The following TTC19 variants were observed in gnomAD, a reference collection of about 807,000 sequenced individuals.
TTC19 encodes the protein tetratricopeptide repeat domain 19, also known as tetratricopeptide repeat protein 19, mitochondrial.
Under a neutral mutation model 49.5 loss-of-function variants are expected in TTC19, and 38 were observed. That is an observed-to-expected ratio of 0.77 (90% CI 0.59 to 1.01). The LOEUF is 1.01. Ranked by LOEUF, TTC19 falls within the 50% of genes least tolerant of loss-of-function variation. The probability of loss-of-function intolerance (pLI) is 0.00; values close to 1 mark genes in which losing one functional copy is unlikely to be tolerated. For synonymous variants in TTC19, 204 were observed against 185.2 expected (o/e 1.10, Z -0.83); for missense variants, 475 against 477.7 (o/e 0.99, Z 0.05).
chr17:16,001,838 G>C (rs966612783), intron 2 of TTC19, 77 bp from the exon 3 acceptor site: 1 of 958,876 alleles, frequency 1.0e-6, no homozygotes, highest in Non-Finnish European at 1.7e-6. Context: ...GGGATGTACA[G>C]TTGCATACAC....
Position 16,010,640 on chromosome 17 carries a change from A to G in TTC19, c.676+4072A>G, listed in dbSNP as rs112656919. Among the ~76,000 whole-genome samples, 464 of 151,042 alleles carry G rather than the reference A, an allele frequency of 3.1e-3. 1 individual carries two copies. The highest frequency in any genetic ancestry group is 0.011 in the African/African-American group (447 of 41,062). ...CAGGCACCCGCCACCACACCTGGCT[A>G]TTTTTGTATTTTTAGTAGAGACTGG... is the stretch of plus-strand genomic sequence containing the variant. On this transcript the variant is annotated intron_variant, in intron 7 of 9. Coordinates refer to ENST00000261647, the MANE Select transcript of TTC19 (RefSeq NM_017775.4).
Position 16,028,846 on chromosome 17 carries a change from A to AAAAAAAAAAATTT in TTC19, c.*1324_*1325insAAAAAAAAAATTT. The AAAAAAAAAAATTT allele has an allele frequency of 2.8e-6, 1 of 354,032 alleles. No homozygotes were observed. The allele number at this position is 354,032 out of a possible 1,614,324, so 21.9% of individuals were successfully genotyped here. ...AAAAAAAAAAAAAAAAAAAAAAAAA[A>AAAAAAAAAAATTT]CTTTCTGAAGAAAATAAAAACACCA... On this transcript the variant is annotated 3_prime_UTR_variant, in exon 10 of 10. Transcript: ENST00000261647.
chr17:16,012,726 C>T (rs1365579325), intron 7 of TTC19, among the ~76,000 whole-genome samples: 59 of 151,980 alleles, frequency 3.9e-4, no homozygotes, highest in Admixed American at 3.2e-3. Flanking sequence ...TTAGTAGAGA[C>T]GGGGTTTCTC....
At chr17:16,023,620 A>G (rs1971450857) in intron 7 of TTC19, 1 of 152,218 alleles carries the variant, frequency 6.6e-6, no homozygotes, top group Non-Finnish European at 1.5e-5. Context: ...GATGAATCCG[A>G]TTTTTCAGAA....
intron 7 of TTC19, among the ~76,000 whole-genome samples, chr17:16,021,329 A>G (rs1304866234): frequency 6.6e-6 from 1 of 152,236 alleles, no homozygotes; most frequent in Non-Finnish European, 1.5e-5. Context: ...CGGAGGTTGC[A>G]GTGAGCTGAG....
In TTC19 at chr17:15,999,869, G is replaced by A; in HGVS notation, c.21G>A (p.Trp7Ter). The change falls in exon 1 of 10, where the codon TGG becomes TGA. Residue 7 changes from tryptophan (W) to a stop codon, truncating the protein, a stop_gained. Coordinates refer to ENST00000261647, the MANE Select transcript of TTC19 (RefSeq NM_017775.4). LOFTEE classifies it high-confidence loss of function. ...GGAGCATGTTCCGGCTCCTGAGCTG[G>A]AGCCTGGGCCGAGGCTTCCTGCGGG... MFRLLS[W>*]SLGRGFLRAA... 6.8e-7 allele frequency: 1 copy of A among 1,463,706 alleles called. No individual in the cohort carries two copies. The highest frequency in any genetic ancestry group is 9.0e-7 in the Non-Finnish European group (1 of 1,115,644). 90.7% of individuals were successfully genotyped at this position (1,463,706 alleles called of 1,614,324 possible). A position where few individuals can be genotyped will look rare whatever the true frequency, so the allele number is the denominator to read the frequency against.
intron 7 of TTC19, among the ~76,000 whole-genome samples, chr17:16,021,363 G>T (rs1390390592): frequency 6.6e-6 from 1 of 152,216 alleles, no homozygotes; most frequent in African/African-American, 2.4e-5. Flanking sequence ...ACTGCAGCCT[G>T]GGCGACAGAG....
chr17:16,011,191 T>G (rs1971058052), intron 7 of TTC19, among the ~76,000 whole-genome samples: 1 of 152,216 alleles, frequency 6.6e-6, no homozygotes, highest in Admixed American at 6.5e-5. Flanking sequence ...TTTGTTTTTG[T>G]TTTTGTTGAG....
chr17:16,024,708 T>C (rs1971495232), intron 7 of TTC19: 1 of 381,346 alleles, frequency 2.6e-6, no homozygotes, highest in African/African-American at 2.1e-5. Context: ...TACAGGTTTT[T>C]CATTGGCCTT....
At position 16,025,199 on chromosome 17, in the gene TTC19, A is replaced by G. The variant is rs554437943; in HGVS notation, c.831+28A>G. ...AAGGGAGGAAAACACAGAAGGGGGA[A>G]TATAAAACAAAGGCTTCAAAATTGA... On this transcript the variant is annotated intron_variant, in intron 8 of 9. Transcript: ENST00000261647. 3.1e-6 allele frequency: 5 copies of G among 1,607,728 alleles called. No individual in the cohort carries two copies. In the South Asian group the frequency reaches 4.4e-5, roughly 14 times the overall value.
intron 7 of TTC19, among the ~76,000 whole-genome samples, chr17:16,008,401 T>C (rs1304028833): frequency 6.6e-6 from 1 of 152,188 alleles, no homozygotes; most frequent in Admixed American, 6.5e-5. Context: ...AACCTAAGAA[T>C]TGTCCATGAT....
At chr17:16,023,641 C>G (rs1971451431) in intron 7 of TTC19, 1 of 152,154 alleles carries the variant, frequency 6.6e-6, no homozygotes, top group African/African-American at 2.4e-5. Context: ...ATAGACGAGT[C>G]TGATGATACA....
At chr17:16,000,499 A>G in intron 2 of TTC19, 1 of 1,044,304 alleles carries the variant, frequency 9.6e-7, no homozygotes, top group Non-Finnish European at 1.3e-6. Flanking sequence ...ATCACGCTTT[A>G]TGCAAACGAA....
chr17:16,005,427 A>C (rs1010709156), intron 6 of TTC19, among the ~76,000 whole-genome samples: 2 of 152,214 alleles, frequency 1.3e-5, no homozygotes, highest in Non-Finnish European at 1.5e-5. Context: ...TAGGGTCATA[A>C]GTTCTCCCCT....
chr17:16,027,617 C>T lies in TTC19; in HGVS notation c.*95C>T, dbSNP rs1486319842. 10 of 1,444,088 alleles carry T rather than the reference C, an allele frequency of 6.9e-6. No individual in the cohort carries two copies. The highest frequency in any genetic ancestry group is 8.7e-6 in the Non-Finnish European group (9 of 1,038,436). The allele number at this position is 1,444,088 out of a possible 1,614,324, so 89.5% of individuals were successfully genotyped here. On this transcript the variant is annotated 3_prime_UTR_variant, in exon 10 of 10. Transcript: ENST00000261647. The stretch of plus-strand genomic sequence containing the variant: ...CACCCGATCAATGGCTTAAATCTGT[C>T]GTTTTTGATATTCAGGTTTCCTCAA...
chr17:16,009,281 A>G (rs138495118), intron 7 of TTC19, among the ~76,000 whole-genome samples: 24 of 152,362 alleles, frequency 1.6e-4, no homozygotes, highest in African/African-American at 5.8e-4. Context: ...GTGTAAAGCT[A>G]TATTTTCTGA....
intron 6 of TTC19, among the ~76,000 whole-genome samples, chr17:16,005,536 A>G (rs748203699): frequency 2.6e-4 from 40 of 152,316 alleles, no homozygotes; most frequent in Non-Finnish European, 3.1e-4. Flanking sequence ...TCCTAAATGG[A>G]GAAGGGATTT....
chr17:16,030,192 A>G (rs1395811110), downstream of TTC19: 1 of 219,500 alleles, frequency 4.6e-6, no homozygotes, highest in Non-Finnish European at 8.9e-6. Flanking sequence ...AAGAGAAAAT[A>G]TATTTACTAT....
chr17:16,027,272 C>A, intron 9 of TTC19, 102 bp from the exon 10 acceptor site: 1 of 1,378,012 alleles, frequency 7.3e-7, no homozygotes, highest in Non-Finnish European at 1.0e-6. Context: ...TTCATAAGCA[C>A]ACAGTAAATT....
Sources: gnomAD v4.1 joint callset for allele counts (sites outside exome capture counted in the v4.1 genomes callset) on GRCh38, gnomAD v4.1.1 for gene constraint, MANE v1.5 for transcripts, NCBI Gene and HGNC (gene_info 2026-07-23, HGNC 2026-07-21) for gene names.